VWA8: variants seen among roughly 807,000 people sequenced by gnomAD.
VWA8 encodes von Willebrand factor A domain-containing protein 8.
A neutral mutation model predicts 241.5 loss-of-function variants in VWA8; 221 were observed. The ratio of observed to expected loss-of-function variants is 0.91; its 90% CI spans 0.82 to 1.02. The LOEUF (loss-of-function observed/expected upper bound fraction) is 1.02. Ranked by LOEUF, VWA8 falls within the 50% of genes least tolerant of loss-of-function variation. The pLI is 0.00. For missense variants in VWA8, 2,322 were observed against 2,328.7 expected (o/e 1.00, Z 0.06); for synonymous variants, 852 against 827.1 (o/e 1.03, Z -0.52).
chr13:41,630,160 C>T (rs1315197852), intron 37 of VWA8, among the ~76,000 whole-genome samples: 2 of 152,212 alleles, frequency 1.3e-5, no homozygotes, highest in South Asian at 4.2e-4. Flanking sequence ...AAGACAAATG[C>T]CTATTAGGGC....
intron 12 of VWA8, among the ~76,000 whole-genome samples, chr13:41,838,248 CAATAA>C (rs1324594999): frequency 6.6e-6 from 1 of 151,914 alleles, no homozygotes; most frequent in Non-Finnish European, 1.5e-5. Context: ...AGTCAATACT[CAATAA>C]AATAACTGTA....
At chr13:41,830,394 T>C in intron 14 of VWA8, 135 bp downstream of exon 14, 1 of 629,244 alleles carries the variant, frequency 1.6e-6, no homozygotes. Context: ...GCCAAAGTAG[T>C]GGCATATCCA....
chr13:41,890,525 A>G (rs1354575064), intron 5 of VWA8, among the ~76,000 whole-genome samples: 1 of 152,184 alleles, frequency 6.6e-6, no homozygotes, highest in East Asian at 1.9e-4. Flanking sequence ...GAGTCCCCAC[A>G]TTCCCTAGTT....
intron 17 of VWA8, among the ~76,000 whole-genome samples, chr13:41,799,410 A>T (rs1833356118): frequency 6.6e-6 from 1 of 152,160 alleles, no homozygotes; most frequent in Non-Finnish European, 1.5e-5. Flanking sequence ...TCACACCTGC[A>T]CCTGAGCAAT....
intron 39 of VWA8, among the ~76,000 whole-genome samples, chr13:41,607,552 C>T (rs1044818478): frequency 2.0e-5 from 3 of 152,038 alleles, no homozygotes; most frequent in South Asian, 2.1e-4. Flanking sequence ...ATACCTAAAC[C>T]GGTGTGTGTT....
intron 35 of VWA8, among the ~76,000 whole-genome samples, chr13:41,676,927 C>A (rs1391009678): frequency 1.3e-5 from 2 of 152,110 alleles, no homozygotes; most frequent in African/African-American, 4.8e-5. Context: ...GCCACCACCC[C>A]CAGCCTGTTC....
At position 41,587,558 on chromosome 13, in the gene VWA8, A is replaced by G. The variant is rs774639967; in HGVS notation, c.5225T>C (p.Val1742Ala). ...DGRLERTMEA[V>A]CMVMEAFENY... ...CTCGAAGGCTTCCATGACCATACAC[A>G]CAGCCTCCATTGTGCGCTCAAGCCG... is the stretch of plus-strand genomic sequence containing the variant. The change falls in exon 42 of 45, where the codon GTG becomes GCG. Residue 1742 changes from valine to alanine, a missense_variant. Coordinates refer to ENST00000379310, the MANE Select transcript of VWA8 (RefSeq NM_015058.2). 2.2e-5 allele frequency: 36 copies of G among 1,614,070 alleles called. No homozygotes were observed. The highest frequency in any genetic ancestry group is 3.1e-5 in the Non-Finnish European group (36 of 1,180,046).
intron 4 of VWA8, among the ~76,000 whole-genome samples, chr13:41,901,889 A>AAAAAAAAATATATAT (rs1566500253): frequency 1.2e-5 from 1 of 83,330 alleles, no homozygotes; most frequent in African/African-American, 5.0e-5. Context: ...AAAAAAAAAA[A>AAAAAAAAATATATAT]ATATATATAT....
At chr13:41,587,372 C>CAA in intron 42 of VWA8, 140 bp downstream of exon 42, 6 of 1,096,648 alleles carry the variant, frequency 5.5e-6, no homozygotes, top group Non-Finnish European at 6.3e-6. Context: ...TCAGATAAAA[C>CAA]AAAAGCTTCA....
At chr13:41,805,514 C>T (rs9594633) in intron 17 of VWA8, among the ~76,000 whole-genome samples, 2,288 of 152,118 alleles carry the variant, frequency 0.015, 54 homozygotes, top group African/African-American at 0.052. Flanking sequence ...AGAAAATCAA[C>T]GAAGAAATAT....
chr13:41,846,198 G>C (rs1436628956), intron 12 of VWA8, among the ~76,000 whole-genome samples: 1 of 151,992 alleles, frequency 6.6e-6, no homozygotes, highest in Non-Finnish European at 1.5e-5. Flanking sequence ...ACTGTGCTCA[G>C]CTTATAATAA....
rs200757216 is a variant in VWA8 at position 41,671,032 on chromosome 13, T to A, written c.4525A>T (p.Arg1509Trp). ...VVTVDMGGHI[R>W]LWETGLERLQ... ...CGTTCAAGTCCAGTTTCCCAAAGCC[T>A]GATGTGACCTCCCATATCAACAGTA... Residue 1509 changes from arginine (R) to tryptophan (W), a missense_variant, in exon 37 of 45, where the codon AGG (arginine) becomes TGG (tryptophan). Physicochemically the swap from Arg to Trp is moderately radical, Grantham distance 101. Coordinates refer to ENST00000379310, the MANE Select transcript of VWA8 (RefSeq NM_015058.2). The A allele has an allele frequency of 7.2e-4, 1,165 of 1,614,032 alleles. 11 individuals carry two copies. Among genetic ancestry groups the A allele is most frequent in the Non-Finnish European group, 5.3e-5 (62 of 1,179,908 alleles).
At chr13:41,872,553 T>C (rs1421124753) in intron 9 of VWA8, among the ~76,000 whole-genome samples, 3 of 152,208 alleles carry the variant, frequency 2.0e-5, no homozygotes, top group Non-Finnish European at 2.9e-5. Flanking sequence ...GCACCATTTA[T>C]TAAATAGGGA....
At chr13:41,713,482 C>T (rs1283831318) in intron 26 of VWA8, among the ~76,000 whole-genome samples, 2 of 152,020 alleles carry the variant, frequency 1.3e-5, no homozygotes, top group African/African-American at 2.4e-5. Context: ...GCCTGAAACA[C>T]AAAATGTAAA....
chr13:41,691,502 T>C (rs1479516294), intron 31 of VWA8, 57 bp from the exon 32 acceptor site: 18 of 1,579,456 alleles, frequency 1.1e-5, no homozygotes, highest in Non-Finnish European at 1.5e-5. Context: ...GGTTGAGTAA[T>C]CTGGCATAAT....
chr13:41,894,604 T>G lies in VWA8; in HGVS notation c.484-3017A>C, dbSNP rs538298685. On this transcript the variant is annotated intron_variant, in intron 4 of 44. Coordinates refer to ENST00000379310, the MANE Select transcript of VWA8 (RefSeq NM_015058.2). ...GCAGTCAAGAATCCAAAATGGATGG[T>G]AAAATTAGTGGCTAAGTATATTATG... 3.7e-4 allele frequency among the ~76,000 whole-genome samples: 57 copies of G among 152,332 alleles called. 1 individual carries two copies. The South Asian group carries it at 0.012, about 32-fold the overall frequency.
rs1190505834 is a variant in VWA8 at position 41,605,149 on chromosome 13, T to C, written c.4986+19A>G. 9 of 1,610,166 alleles carry C rather than the reference T, an allele frequency of 5.6e-6. No individual in the cohort carries two copies. Among genetic ancestry groups the C allele is most frequent in the Non-Finnish European group, 6.8e-6 (8 of 1,177,008 alleles). ...GTTTGGGCCCAGGTTATTTTCTTGG[T>C]CCATAAGTAGAAGATTACCTGTAAA... On this transcript the variant is annotated intron_variant, in intron 40 of 44. Transcript: ENST00000379310.
chr13:41,920,067 G>A (rs552478990), intron 2 of VWA8, among the ~76,000 whole-genome samples: 9 of 152,058 alleles, frequency 5.9e-5, no homozygotes, highest in African/African-American at 1.9e-4. Context: ...CCCCTGGGCC[G>A]TATCTGTGCC....
rs1308268087 is a variant in VWA8, at chr13:41,865,946, T to C, written c.1303A>G (p.Met435Val). The change falls in exon 11 of 45, where the codon ATG (methionine) becomes GTG (valine). Residue 435 changes from methionine to valine, a missense_variant. Coordinates refer to ENST00000379310, the MANE Select transcript of VWA8 (RefSeq NM_015058.2). ...ATATCTTTAACCATGTGAGACTGCA[T>C]CATTTCAGCCTGTAGCTGCTTATGG... ...LSHKQLQAEM[M>V]QSHMVKDICL... 1.9e-6 allele frequency: 3 copies of C among 1,614,114 alleles called. No homozygotes were observed. Among genetic ancestry groups the C allele is most frequent in the Non-Finnish European group, 2.5e-6 (3 of 1,180,042 alleles).
Sources: allele counts gnomAD v4.1 joint callset (sites outside exome capture counted in the v4.1 genomes callset), GRCh38; gene constraint gnomAD v4.1.1; transcripts MANE v1.5; gene names NCBI Gene and HGNC (gene_info 2026-07-23, HGNC 2026-07-21).